EPHB1: variants seen among roughly 807,000 people sequenced by gnomAD.
EPHB1 encodes the protein ephrin type-B receptor 1.
A neutral mutation model predicts 94.4 loss-of-function variants in EPHB1; 30 were observed. The observed-to-expected ratio is 0.32, with a 90% CI of 0.24 to 0.43. The LOEUF is 0.43. EPHB1 is among the 20% of genes least tolerant of loss of function. The pLI is 1.00. For synonymous variants in EPHB1, 522 were observed against 489.1 expected, an observed-to-expected ratio of 1.07 and a Z score of -0.89; for missense variants, 1,055 against 1,308.3, an observed-to-expected ratio of 0.81 and a Z score of 2.99.
intron 1 of EPHB1, among the ~76,000 whole-genome samples, chr3:134,867,376 G>A (rs531443981): frequency 7.9e-5 from 12 of 152,320 alleles, no homozygotes; most frequent in South Asian, 2.1e-4. Flanking sequence ...ACTATGCTCA[G>A]TAAAGGGGTT....
intron 12 of EPHB1, among the ~76,000 whole-genome samples, chr3:135,224,091 A>G (rs1010814171): frequency 2.0e-5 from 3 of 152,208 alleles, no homozygotes; most frequent in African/African-American, 7.2e-5. Flanking sequence ...TACAATTGCC[A>G]ACAGTATTCT....
intron 1 of EPHB1, among the ~76,000 whole-genome samples, chr3:134,921,616 CAG>C (rs1196003585): frequency 1.3e-5 from 2 of 152,110 alleles, no homozygotes; most frequent in African/African-American, 4.8e-5. Context: ...AAGAAGAAAG[CAG>C]ATGAAATATC....
chr3:135,112,733 G>A lies in EPHB1; in HGVS notation c.961+6130G>A, dbSNP rs895248194. ...AGGACATGAACTCATCATTTTTTAT[G>A]GCTGCATAGTATTCCATGGTGTATA... On this transcript the variant is annotated intron_variant, in intron 4 of 15. Coordinates refer to ENST00000398015, the MANE Select transcript of EPHB1 (RefSeq NM_004441.5). Among the ~76,000 whole-genome samples, 16 of 151,736 alleles carry A rather than the reference G, an allele frequency of 1.1e-4. No homozygotes were observed. The South Asian group carries it at 1.3e-3, about 12-fold the overall frequency.
At chr3:134,885,742 C>T (rs904598098) in intron 1 of EPHB1, among the ~76,000 whole-genome samples, 2 of 152,288 alleles carry the variant, frequency 1.3e-5, no homozygotes, top group African/African-American at 2.4e-5. Context: ...GGCAGAGCTC[C>T]GGACTCTGGT....
At chr3:135,134,299 T>C (rs1193545838) in intron 5 of EPHB1, among the ~76,000 whole-genome samples, 1 of 152,202 alleles carries the variant, frequency 6.6e-6, no homozygotes, top group Non-Finnish European at 1.5e-5. Flanking sequence ...CCTGACCTCC[T>C]CTTTTCTACT....
At chr3:135,101,075 T>C (rs1939018696) in intron 3 of EPHB1, among the ~76,000 whole-genome samples, 1 of 152,136 alleles carries the variant, frequency 6.6e-6, no homozygotes, top group Non-Finnish European at 1.5e-5. Flanking sequence ...ACAAGGCAAT[T>C]GTAGGCTGCA....
intron 3 of EPHB1, among the ~76,000 whole-genome samples, chr3:135,007,336 T>C (rs1935456115): frequency 6.6e-6 from 1 of 152,230 alleles, no homozygotes; most frequent in Non-Finnish European, 1.5e-5. Context: ...ATGCACCTTC[T>C]GGTGGTCTCC....
intron 1 of EPHB1, among the ~76,000 whole-genome samples, chr3:134,903,538 T>C (rs2038250044): frequency 6.6e-6 from 1 of 152,218 alleles, no homozygotes; most frequent in Admixed American, 6.5e-5. Context: ...GGATCGCTGC[T>C]GCCCTTTCTG....
chr3:134,850,465 C>T (rs894077765), intron 1 of EPHB1, among the ~76,000 whole-genome samples: 2 of 152,192 alleles, frequency 1.3e-5, no homozygotes, highest in Non-Finnish European at 2.9e-5. Flanking sequence ...CCAACCTTGC[C>T]CCCTGGGAAT....
At chr3:135,216,726 GAA>G (rs386397987) in intron 12 of EPHB1, among the ~76,000 whole-genome samples, 27,008 of 104,546 alleles carry the variant, frequency 0.26, 3,288 homozygotes, top group Non-Finnish European at 0.31. Context: ...CTGTCTCAGG[GAA>G]AAAAAAAAAA....
chr3:134,805,443 C>A (rs1360018953), intron 1 of EPHB1, among the ~76,000 whole-genome samples: 2 of 152,150 alleles, frequency 1.3e-5, no homozygotes, highest in African/African-American at 4.8e-5. Context: ...TGGTTTAATC[C>A]TGGTCACACC....
At chr3:135,086,377 T>C (rs988531208) in intron 3 of EPHB1, among the ~76,000 whole-genome samples, 18 of 151,828 alleles carry the variant, frequency 1.2e-4, no homozygotes, top group Non-Finnish European at 1.8e-4. Flanking sequence ...TGCTCCCTAC[T>C]TATTTCAAGA....
chr3:134,949,361 C>T (rs371493487), intron 2 of EPHB1, among the ~76,000 whole-genome samples: 6 of 152,108 alleles, frequency 3.9e-5, no homozygotes, highest in South Asian at 2.1e-4. Flanking sequence ...CCATGAGTGA[C>T]GTCACTTTAC....
At chr3:134,939,974 G>C (rs969519051) in intron 2 of EPHB1, among the ~76,000 whole-genome samples, 2 of 152,214 alleles carry the variant, frequency 1.3e-5, no homozygotes, top group African/African-American at 2.4e-5. Flanking sequence ...TCTCCTTGTG[G>C]TCTGAGCTGG....
At chr3:135,121,464 C>T (rs1424679114) in intron 4 of EPHB1, among the ~76,000 whole-genome samples, 1 of 152,226 alleles carries the variant, frequency 6.6e-6, no homozygotes, top group Non-Finnish European at 1.5e-5. Context: ...AGACCTATTC[C>T]TCTGTTGTGC....
chr3:134,926,535 A>G (rs917891476), intron 2 of EPHB1, among the ~76,000 whole-genome samples: 24 of 152,202 alleles, frequency 1.6e-4, no homozygotes, highest in African/African-American at 5.8e-4. Context: ...GAGCCTGGAA[A>G]GACGTTCTAA....
At chr3:135,219,353 T>G (rs985714860) in intron 12 of EPHB1, among the ~76,000 whole-genome samples, 1 of 152,018 alleles carries the variant, frequency 6.6e-6, no homozygotes, top group African/African-American at 2.4e-5. Flanking sequence ...TTAAGAATGA[T>G]GTCATAATGC....
In EPHB1 at chr3:134,812,969, G is replaced by A. The variant is rs77777550; in HGVS notation, c.58+17280G>A. On this transcript the variant is annotated intron_variant, in intron 1 of 15. Coordinates refer to ENST00000398015, the MANE Select transcript of EPHB1 (RefSeq NM_004441.5). The stretch of plus-strand genomic sequence containing the variant: ...TTTTGGGTCTGCTTTCAACATGGAC[G>A]GTTGTCTGGAGGTGACAGAGTGACC... Among the ~76,000 whole-genome samples the A allele has an allele frequency of 4.2e-3, 646 of 152,226 alleles. 2 individuals are homozygous for A. The highest frequency in any genetic ancestry group is 0.014 in the South Asian group (66 of 4,814).
At chr3:135,011,745 C>T (rs112924582) in intron 3 of EPHB1, among the ~76,000 whole-genome samples, 64 of 152,260 alleles carry the variant, frequency 4.2e-4, no homozygotes, top group African/African-American at 1.5e-3. Flanking sequence ...GCAACATTTG[C>T]CTTTAGAGAA....
Sources: allele counts gnomAD v4.1 joint callset (sites outside exome capture counted in the v4.1 genomes callset), GRCh38; gene constraint gnomAD v4.1.1; transcripts MANE v1.5; gene names NCBI Gene and HGNC (gene_info 2026-07-23, HGNC 2026-07-21).